CAST: variants seen among roughly 807,000 people sequenced by gnomAD.
CAST encodes the protein MIR583 host.
CAST carries 76 observed loss-of-function variants against 119.6 expected under a neutral mutation model. The observed-to-expected ratio is 0.64, with a 90% CI of 0.53 to 0.77. The LOEUF (loss-of-function observed/expected upper bound fraction) is 0.77, where lower values mean the gene tolerates loss of function less well. CAST is among the 30% of genes least tolerant of loss of function. CAST has a pLI of 0.00. For missense variants in CAST, 953 were observed against 946.5 expected (o/e 1.01, Z -0.09); for synonymous variants, 319 against 331.6 (o/e 0.96, Z 0.41).
chr5:96,010,056 TC>T, the CAST span, among the ~76,000 whole-genome samples: 1 of 152,192 alleles, frequency 6.6e-6, no homozygotes, highest in East Asian at 1.9e-4. Flanking sequence ...GAGAATCCTT[TC>T]CCCATTGCTT....
At chr5:96,079,514 A>G in the CAST span, among the ~76,000 whole-genome samples, 1 of 152,204 alleles carries the variant, frequency 6.6e-6, no homozygotes, top group Non-Finnish European at 1.5e-5. Context: ...TAAAAAATGT[A>G]GTTTGTAAAG....
chr5:96,574,440 A>C (rs1177060664), intron 1 of CAST, among the ~76,000 whole-genome samples: 2 of 152,184 alleles, frequency 1.3e-5, no homozygotes, highest in Admixed American at 6.5e-5. Flanking sequence ...GGTACTAGTC[A>C]TTTATTGAAC....
the CAST span, among the ~76,000 whole-genome samples, chr5:96,474,421 G>A: frequency 1.7e-4 from 24 of 141,998 alleles, no homozygotes; most frequent in East Asian, 5.2e-3. Flanking sequence ...GAGCAACAGT[G>A]TCTAATGATG....
chr5:96,592,700 A>G (rs982238313), intron 1 of CAST, among the ~76,000 whole-genome samples: 1 of 152,046 alleles, frequency 6.6e-6, no homozygotes, highest in Non-Finnish European at 1.5e-5. Flanking sequence ...TGTTCCAATG[A>G]CACTCGTAGC....
At chr5:96,278,115 C>A in the CAST span, among the ~76,000 whole-genome samples, 1 of 151,176 alleles carries the variant, frequency 6.6e-6, no homozygotes, top group African/African-American at 2.4e-5. Flanking sequence ...TAGGGGAGAA[C>A]AAAATTTTAA....
intron 1 of CAST, among the ~76,000 whole-genome samples, chr5:96,555,395 G>A (rs1746217761): frequency 6.6e-6 from 1 of 152,206 alleles, no homozygotes; most frequent in Non-Finnish European, 1.5e-5. Flanking sequence ...AGTGGGTGCA[G>A]CGCACCCAGC....
At chr5:96,098,931 G>A in the CAST span, among the ~76,000 whole-genome samples, 4 of 152,120 alleles carry the variant, frequency 2.6e-5, no homozygotes, top group African/African-American at 7.2e-5. Context: ...CCATTTTCAC[G>A]ATATTGATTT....
intron 22 of CAST, 101 bp from the exon 23 acceptor site, chr5:96,757,343 C>A: frequency 9.7e-7 from 1 of 1,028,770 alleles, no homozygotes; most frequent in Non-Finnish European, 1.5e-6. Flanking sequence ...AAATGTACAA[C>A]AGCAAGTATA....
chr5:96,457,568 C>T, the CAST span, among the ~76,000 whole-genome samples: 173 of 152,312 alleles, frequency 1.1e-3, no homozygotes, highest in Admixed American at 2.8e-3. Flanking sequence ...CTCAAATGTA[C>T]TAAACTCACT....
intron 3 of CAST, among the ~76,000 whole-genome samples, chr5:96,710,797 A>G (rs1381832838): frequency 1.3e-5 from 2 of 152,098 alleles, no homozygotes; most frequent in Admixed American, 6.5e-5. Flanking sequence ...ATCTTACTCT[A>G]ACCTTGAGTT....
the CAST span, among the ~76,000 whole-genome samples, chr5:96,033,094 TACTC>T: frequency 3.1e-4 from 47 of 152,118 alleles, no homozygotes; most frequent in African/African-American, 1.1e-3. Flanking sequence ...CTACAAAAAA[TACTC>T]AGGAATAAAT....
the CAST span, among the ~76,000 whole-genome samples, chr5:96,159,146 T>A: frequency 6.6e-6 from 1 of 152,318 alleles, no homozygotes; most frequent in South Asian, 2.1e-4. Context: ...CTGTCCTTTT[T>A]AAAATGCTAA....
the CAST span, among the ~76,000 whole-genome samples, chr5:96,490,737 A>T: frequency 6.6e-6 from 1 of 152,114 alleles, no homozygotes; most frequent in East Asian, 1.9e-4. Flanking sequence ...GATACTACTA[A>T]AAAAATCAAC....
At chr5:96,655,841 C>T (rs545923629) in intron 1 of CAST, among the ~76,000 whole-genome samples, 19 of 152,264 alleles carry the variant, frequency 1.2e-4, no homozygotes, top group African/African-American at 4.6e-4. Flanking sequence ...TTGTGTAAAT[C>T]GGGATTTTCA....
chr5:96,555,334 C>T (rs759306149), intron 1 of CAST, among the ~76,000 whole-genome samples: 7 of 152,180 alleles, frequency 4.6e-5, no homozygotes, highest in African/African-American at 7.2e-5. Context: ...GCATTTCCAA[C>T]TGAGGTACGT....
chr5:96,301,372 C>T, the CAST span, among the ~76,000 whole-genome samples: 1 of 152,196 alleles, frequency 6.6e-6, no homozygotes, highest in South Asian at 2.1e-4. Flanking sequence ...ATCATATTAT[C>T]CTGCCCCTGG....
chr5:96,758,558 T>G (rs1766890979), intron 24 of CAST, among the ~76,000 whole-genome samples: 1 of 152,338 alleles, frequency 6.6e-6, no homozygotes, highest in Middle Eastern at 3.4e-3. Context: ...GATTAACAGT[T>G]TCTATGACAG....
At chr5:96,080,858 G>T in the CAST span, among the ~76,000 whole-genome samples, 1 of 152,156 alleles carries the variant, frequency 6.6e-6, no homozygotes, top group East Asian at 1.9e-4. Flanking sequence ...CCCCAGCTGA[G>T]CTAGGCACAA....
chr5:96,328,488 C>T, the CAST span, among the ~76,000 whole-genome samples: 89 of 145,792 alleles, frequency 6.1e-4, 1 homozygote, highest in African/African-American at 2.1e-3. Flanking sequence ...CCTTTCTGGG[C>T]GTTTGTGTAC....
Sources: allele counts gnomAD v4.1 joint callset (sites outside exome capture counted in the v4.1 genomes callset), GRCh38; gene constraint gnomAD v4.1.1; transcripts MANE v1.5; gene names NCBI Gene and HGNC (gene_info 2026-07-23, HGNC 2026-07-21).